TENT5D: variants seen among roughly 807,000 people sequenced by gnomAD.
The protein encoded by TENT5D is terminal nucleotidyltransferase 5D.
For synonymous variants in TENT5D, 103 were observed against 100.6 expected (o/e 1.02, Z -0.15); for missense variants, 191 against 287.0 (o/e 0.67, Z 2.42).
chrX:80,364,262 G>T (rs933749469), intron 3 of TENT5D, among the ~76,000 whole-genome samples: 1 of 111,233 alleles, frequency 9.0e-6, no homozygotes, highest in African/African-American at 3.3e-5. Flanking sequence ...TTCAGGACAG[G>T]TGCATATACA....
intron 1 of TENT5D, among the ~76,000 whole-genome samples, chrX:80,432,502 A>G (rs906131301): frequency 4.5e-5 from 5 of 112,019 alleles, no homozygotes; most frequent in African/African-American, 1.6e-4. Context: ...AAAGGAACCC[A>G]CTGTTTTTGT....
At chrX:80,398,755 T>A (rs905370934) in intron 3 of TENT5D, among the ~76,000 whole-genome samples, 1 of 110,033 alleles carries the variant, frequency 9.1e-6, no homozygotes, top group Non-Finnish European at 1.9e-5. Context: ...TCTGTTCTGT[T>A]CCATTGATCT....
At chrX:80,382,744 C>T (rs1930898438) in intron 3 of TENT5D, among the ~76,000 whole-genome samples, 1 of 109,767 alleles carries the variant, frequency 9.1e-6, no homozygotes, top group Admixed American at 9.7e-5. Context: ...GCAGTTCAAT[C>T]TGGGACTGCT....
chrX:80,411,944 A>G (rs1298273038), intron 3 of TENT5D, among the ~76,000 whole-genome samples: 1 of 111,965 alleles, frequency 8.9e-6, no homozygotes, highest in Non-Finnish European at 1.9e-5. Flanking sequence ...CCCAGTAAGG[A>G]CTCTGTGTGG....
chrX:80,397,536 G>A (rs1185974875), intron 3 of TENT5D, among the ~76,000 whole-genome samples: 2 of 112,277 alleles, frequency 1.8e-5, no homozygotes, highest in Non-Finnish European at 1.9e-5. Context: ...GTGGTGGCCG[G>A]GCAGAGGCTG....
intron 3 of TENT5D, among the ~76,000 whole-genome samples, chrX:80,409,464 T>C (rs1189566005): frequency 1.8e-5 from 2 of 110,915 alleles, no homozygotes; most frequent in Non-Finnish European, 3.8e-5. Flanking sequence ...AACAGACAAA[T>C]AGAGAGCCAA....
At chrX:80,355,881 C>T (rs754917419) in intron 3 of TENT5D, among the ~76,000 whole-genome samples, 1 of 111,556 alleles carries the variant, frequency 9.0e-6, no homozygotes, top group African/African-American at 3.3e-5. Context: ...GTCTAGTTGA[C>T]CTTCTTGGCT....
chrX:80,356,857 C>T (rs1395555285), intron 3 of TENT5D, among the ~76,000 whole-genome samples: 2 of 110,898 alleles, frequency 1.8e-5, no homozygotes, highest in East Asian at 5.7e-4. Context: ...GTGTGCTGCA[C>T]CCATTAACTC....
At chrX:80,399,051 A>G (rs181309566) in intron 3 of TENT5D, among the ~76,000 whole-genome samples, 11 of 111,386 alleles carry the variant, frequency 9.9e-5, no homozygotes, top group Non-Finnish European at 1.9e-4. Context: ...TTTTCTCCCA[A>G]TCTCTAGGAT....
At chrX:80,414,255 G>T (rs1360298179) in intron 3 of TENT5D, among the ~76,000 whole-genome samples, 2 of 111,725 alleles carry the variant, frequency 1.8e-5, no homozygotes, top group East Asian at 2.8e-4. Context: ...GGAGGTCAGG[G>T]ATTCTCTGGA....
At chrX:80,384,977 G>A (rs1236751506) in intron 3 of TENT5D, among the ~76,000 whole-genome samples, 2 of 111,465 alleles carry the variant, frequency 1.8e-5, no homozygotes, top group Non-Finnish European at 3.8e-5. Context: ...AATCAATATT[G>A]TGAAAATGGC....
intron 3 of TENT5D, among the ~76,000 whole-genome samples, chrX:80,355,795 TC>T (rs1930271301): frequency 8.9e-6 from 1 of 112,066 alleles, no homozygotes; most frequent in Admixed American, 9.5e-5. Context: ...GTACATTCTT[TC>T]CAAAGATCCG....
At chrX:80,384,889 G>C (rs771347159) in intron 3 of TENT5D, among the ~76,000 whole-genome samples, 28 of 110,402 alleles carry the variant, frequency 2.5e-4, no homozygotes, top group African/African-American at 8.9e-4. Flanking sequence ...TCTTCAAGGA[G>C]AACTACAAAC....
At chrX:80,359,187 C>T (rs111824349) in intron 3 of TENT5D, among the ~76,000 whole-genome samples, 10,837 of 111,383 alleles carry the variant, frequency 0.097, 520 homozygotes, top group African/African-American at 0.18. Context: ...GAAATAGGAA[C>T]GCTTTTACAC....
chrX:80,382,876 G>A (rs1304895350), intron 3 of TENT5D, among the ~76,000 whole-genome samples: 1 of 112,171 alleles, frequency 8.9e-6, no homozygotes, highest in Non-Finnish European at 1.9e-5. Flanking sequence ...CAGGAGTGTC[G>A]CAATTTTCCT....
chrX:80,405,312 C>T (rs1055658573), intron 3 of TENT5D, among the ~76,000 whole-genome samples: 20 of 112,440 alleles, frequency 1.8e-4, no homozygotes, highest in Non-Finnish European at 3.2e-4. Flanking sequence ...ACACAGAAGA[C>T]GGGTGATTTC....
chrX:80,347,600 A>C (rs760085293), intron 3 of TENT5D, among the ~76,000 whole-genome samples: 6 of 111,696 alleles, frequency 5.4e-5, no homozygotes, highest in South Asian at 3.8e-4. Flanking sequence ...AGATTGCAAA[A>C]ATTTTCTCCC....
intron 2 of TENT5D, among the ~76,000 whole-genome samples, chrX:80,337,923 C>G (rs1183964994): frequency 9.0e-6 from 1 of 110,817 alleles, no homozygotes; most frequent in African/African-American, 3.3e-5. Context: ...CGCCGCCACA[C>G]CCGGCTAATT....
chrX:80,371,256 C>T (rs1235981053), intron 3 of TENT5D, among the ~76,000 whole-genome samples: 1 of 111,570 alleles, frequency 9.0e-6, no homozygotes, highest in Admixed American at 9.6e-5. Flanking sequence ...TCCTCTAAAC[C>T]ATGCTATAGA....
Sources: gnomAD v4.1 joint callset for allele counts (sites outside exome capture counted in the v4.1 genomes callset) on GRCh38, gnomAD v4.1.1 for gene constraint, MANE v1.5 for transcripts, NCBI Gene and HGNC (gene_info 2026-07-23, HGNC 2026-07-21) for gene names.